The following CLEC12A variants were observed in gnomAD, a reference collection of about 807,000 sequenced individuals.
CLEC12A encodes C-type lectin protein CLL-1.
In CLEC12A, 22 loss-of-function variants were observed where a neutral mutation model predicts 26.5. The ratio of observed to expected loss-of-function variants is 0.83; its 90% CI spans 0.59 to 1.19. The LOEUF is 1.19. Ranked by LOEUF, CLEC12A falls within the 50% of genes most tolerant of loss-of-function variation. The pLI is 0.00. For synonymous variants in CLEC12A, 119 were observed against 101.9 expected, an observed-to-expected ratio of 1.17 and a Z score of -1.01; for missense variants, 353 against 315.6, an observed-to-expected ratio of 1.12 and a Z score of -0.90.
At chr12:9,970,056 T>C (rs1204405817), upstream of CLEC12A, among the ~76,000 whole-genome samples, 1 of 152,246 alleles carries the variant, frequency 6.6e-6, no homozygotes, top group Non-Finnish European at 1.5e-5. Context: ...TGGCTGCCAA[T>C]ATTTTCATGG....
chr12:9,967,652 G>A (rs61913538), upstream of CLEC12A, among the ~76,000 whole-genome samples: 34,471 of 151,500 alleles, frequency 0.23, 4,733 homozygotes, highest in East Asian at 0.46. Context: ...GGTACTTGCC[G>A]CTAAGGGTGA....
chr12:9,998,733 A>G (rs923501255), downstream of CLEC12A, among the ~76,000 whole-genome samples: 3 of 152,100 alleles, frequency 2.0e-5, no homozygotes, highest in Non-Finnish European at 4.4e-5. Context: ...GAAGAATCAC[A>G]CTCATTTGCT....
At chr12:9,983,532 A>T (rs1334824855) in intron 5 of CLEC12A, 2 of 695,772 alleles carry the variant, frequency 2.9e-6, no homozygotes, top group Non-Finnish European at 5.2e-6. Flanking sequence ...GGAAGCAGAA[A>T]ATATCAAACG....
exon 5 of CLEC12A, chr12:9,995,472 T>A (rs980594029): frequency 2.8e-5 from 13 of 468,516 alleles, no homozygotes; most frequent in Non-Finnish European, 5.1e-5. Context: ...TAGCTGATAT[T>A]CTAATCTTCT....
intron 1 of CLEC12A, among the ~76,000 whole-genome samples, chr12:9,965,922 T>TG (rs1422093755): frequency 6.6e-6 from 1 of 151,274 alleles, no homozygotes; most frequent in East Asian, 2.0e-4. Flanking sequence ...TGGGTTAAGG[T>TG]GGGGAGATAC....
At chr12:9,996,764 T>C (rs1381360356), downstream of CLEC12A, 1 of 1,479,142 alleles carries the variant, frequency 6.8e-7, no homozygotes, top group South Asian at 1.1e-5. Context: ...AAGAAAAATG[T>C]AAAAAACAAA....
At chr12:10,001,981 G>T in the CLEC12A span, among the ~76,000 whole-genome samples, 33,039 of 149,426 alleles carry the variant, frequency 0.22, 4,507 homozygotes, top group East Asian at 0.47. Context: ...CTGGGTTCAC[G>T]CCGTTCTCCT....
downstream of CLEC12A, among the ~76,000 whole-genome samples, chr12:9,990,238 C>T (rs74766295): frequency 3.4e-3 from 521 of 152,286 alleles, 4 homozygotes; most frequent in African/African-American, 0.012. Context: ...AAGGCTATAA[C>T]TCCCACAGAT....
the CLEC12A span, among the ~76,000 whole-genome samples, chr12:10,000,913 C>T: frequency 6.6e-6 from 1 of 152,042 alleles, no homozygotes; most frequent in Non-Finnish European, 1.5e-5. Flanking sequence ...TATACAGAAA[C>T]ACTAAAAAAT....
intron 4 of CLEC12A, chr12:9,991,687 A>G (rs1217183593): frequency 6.6e-6 from 1 of 152,162 alleles, no homozygotes; most frequent in East Asian, 1.9e-4. Context: ...TTTCAGTGTT[A>G]GCGCACAAAG....
downstream of CLEC12A, chr12:9,997,082 C>A (rs1865070071): frequency 1.9e-6 from 3 of 1,608,776 alleles, no homozygotes; most frequent in Non-Finnish European, 2.5e-6. Context: ...TTCTGCAGAT[C>A]TCAAACTCCC....
intron 1 of CLEC12A, among the ~76,000 whole-genome samples, chr12:9,959,384 G>A (rs995489620): frequency 4.6e-5 from 7 of 151,832 alleles, no homozygotes; most frequent in East Asian, 1.9e-4. Context: ...CCAGTGAGGC[G>A]GAGGTTGCAG....
intron 1 of CLEC12A, among the ~76,000 whole-genome samples, chr12:9,974,223 G>A (rs1864243804): frequency 6.6e-6 from 1 of 152,062 alleles, no homozygotes; most frequent in South Asian, 2.1e-4. Context: ...CATCCCTCCT[G>A]ACACATCCTC....
At position 9,984,923 on chromosome 12, in the gene CLEC12A, G is replaced by A; in HGVS notation, c.695G>A (p.Arg232Lys). 1 of 1,582,024 alleles carries A rather than the reference G, an allele frequency of 6.3e-7. No individual in the cohort carries two copies. Among genetic ancestry groups the A allele is most frequent in the East Asian group, 2.3e-5 (1 of 43,756 alleles). Residue 232 changes from arginine to lysine, a missense_variant, in exon 6 of 6, where the codon AGA (arginine) becomes AAA (lysine). Coordinates refer to ENST00000304361, the MANE Select transcript of CLEC12A (RefSeq NM_138337.6). ...AACATGTATTGTGGATATATAAATA[G>A]ACTATATGTTCAATATTATCACTGC... ...LNNMYCGYIN[R>K]LYVQYYHCTY... is the part of the protein sequence containing the mutation.
intron 1 of CLEC12A, among the ~76,000 whole-genome samples, chr12:9,974,814 A>C (rs1864267794): frequency 6.6e-6 from 1 of 152,162 alleles, no homozygotes; most frequent in African/African-American, 2.4e-5. Flanking sequence ...TCAAACCAAA[A>C]CATACTGATA....
intron 1 of CLEC12A, among the ~76,000 whole-genome samples, chr12:9,978,698 C>T (rs150528267): frequency 0.015 from 2,244 of 152,110 alleles, 37 homozygotes; most frequent in Admixed American, 0.033. Flanking sequence ...TCTGTTTTTG[C>T]TTATCTGTTT....
chr12:9,991,690 G>C (rs1357282681), intron 4 of CLEC12A: 2 of 152,024 alleles, frequency 1.3e-5, no homozygotes, highest in African/African-American at 2.4e-5. Flanking sequence ...CAGTGTTAGC[G>C]CACAAAGCTT....
At chr12:9,954,808 C>T (rs1383790034) in intron 1 of CLEC12A, among the ~76,000 whole-genome samples, 1 of 152,074 alleles carries the variant, frequency 6.6e-6, no homozygotes, top group East Asian at 1.9e-4. Context: ...TTAAGTAAAT[C>T]TTTAATAAAC....
chr12:9,959,265 A>T (rs1863791036), intron 1 of CLEC12A, among the ~76,000 whole-genome samples: 1 of 151,864 alleles, frequency 6.6e-6, no homozygotes, highest in South Asian at 2.1e-4. Flanking sequence ...AGCCTGGCCA[A>T]CATGATGAAA....
Sources: gnomAD v4.1 joint callset for allele counts (sites outside exome capture counted in the v4.1 genomes callset) on GRCh38, gnomAD v4.1.1 for gene constraint, MANE v1.5 for transcripts, NCBI Gene and HGNC (gene_info 2026-07-23, HGNC 2026-07-21) for gene names.